TATDN1: variants seen among roughly 807,000 people sequenced by gnomAD.
TATDN1 encodes the protein TatD DNase domain containing 1, also known as deoxyribonuclease TATDN1.
Under a neutral mutation model 46.4 loss-of-function variants are expected in TATDN1, and 40 were observed. The observed-to-expected ratio is 0.86, with a 90% CI of 0.67 to 1.12. The LOEUF (loss-of-function observed/expected upper bound fraction) is 1.12, where lower values mean the gene tolerates loss of function less well. Among genes scored for constraint, TATDN1 ranks in the 50% most tolerant of loss-of-function variants. The probability of loss-of-function intolerance (pLI) is 0.00; values close to 1 mark genes in which losing one functional copy is unlikely to be tolerated. For synonymous variants in TATDN1, 95 were observed against 105.6 expected (o/e 0.90, Z 0.62); for missense variants, 326 against 348.4 (o/e 0.94, Z 0.51).
intron 11 of TATDN1, chr8:124,489,128 T>C (rs960203147): frequency 6.1e-6 from 1 of 162,770 alleles, no homozygotes; most frequent in East Asian, 1.9e-4. Flanking sequence ...ATGTGTGTCC[T>C]AAGTCACAAC....
At chr8:124,518,663 A>C in intron 4 of TATDN1, 155 bp downstream of exon 4, 1 of 614,820 alleles carries the variant, frequency 1.6e-6, no homozygotes, top group Non-Finnish European at 2.9e-6. Context: ...GAGTACTTTG[A>C]ATTTTGTCAT....
rs905373083 is a variant in TATDN1, at chr8:124,522,039, A to T, written c.138+112T>A. ...CTTTCTAATATCACAAGTAGACAAT[A>T]TGTACCCCAACTGTGGCATTGGTTT... On this transcript the variant is annotated intron_variant, in intron 3 of 11. Coordinates refer to ENST00000276692, the MANE Select transcript of TATDN1 (RefSeq NM_032026.4). The T allele has an allele frequency of 1.1e-5, 7 of 662,088 alleles. No individual in the cohort carries two copies. The African/African-American group carries it at 1.3e-4, about 12-fold the overall frequency. 41.0% of individuals were successfully genotyped at this position (662,088 alleles called of 1,614,324 possible).
Position 124,518,834 on chromosome 8 carries a change from A to T in TATDN1, c.186T>A (p.His62Gln), listed in dbSNP as rs370218570. 3.7e-5 allele frequency: 60 copies of T among 1,611,594 alleles called. No homozygotes were observed. The highest frequency in any genetic ancestry group is 4.9e-5 in the Non-Finnish European group (58 of 1,178,294). The change falls in exon 4 of 12, where the codon CAT becomes CAA. Residue 62 changes from histidine to glutamine, a missense_variant. Physicochemically the swap from His to Gln is conservative, Grantham distance 24 (BLOSUM62 0). Coordinates refer to ENST00000276692, the MANE Select transcript of TATDN1 (RefSeq NM_032026.4). ...GNLQDSKDAL[H>Q]LAQTNGMFFS... Reference sequence around the variant, plus strand: ...TGAGGATACCATTTGTTTGTGCCAAATGCAGTGCATCTTTACTGTCTTGTA... The same window carrying T: ...TGAGGATACCATTTGTTTGTGCCAATTGCAGTGCATCTTTACTGTCTTGTA...
At chr8:124,518,709 TA>T (rs1409108405) in intron 4 of TATDN1, 108 bp downstream of exon 4, 1 of 766,284 alleles carries the variant, frequency 1.3e-6, no homozygotes, top group East Asian at 2.5e-5. Flanking sequence ...TCCATTTTCC[TA>T]TTGTTTCCAG....
At chr8:124,497,479 G>C (rs895167380) in intron 9 of TATDN1, among the ~76,000 whole-genome samples, 2 of 151,976 alleles carry the variant, frequency 1.3e-5, no homozygotes, top group African/African-American at 2.4e-5. Context: ...AGAGAGGGGG[G>C]TTTCACCATG....
In TATDN1 at chr8:124,518,861, A is replaced by G. The variant is rs1361185684; in HGVS notation, c.159T>C (p.Asn53=). 7 of 1,610,664 alleles carry G rather than the reference A, an allele frequency of 4.3e-6. No individual in the cohort carries two copies. The highest frequency in any genetic ancestry group is 5.9e-6 in the Non-Finnish European group (7 of 1,177,700). The change falls in exon 4 of 12, where the codon AAT becomes AAC. Residue 53 remains asparagine, a synonymous_variant. Transcript: ENST00000276692. Reference sequence around the variant, plus strand: ...GCAGTGCATCTTTACTGTCTTGTAGATTTCCACCTGTAATCATAAACTGAA... The same window carrying G: ...GCAGTGCATCTTTACTGTCTTGTAGGTTTCCACCTGTAATCATAAACTGAA... The part of the protein sequence containing the change: ...GVKKFMITGG[N]LQDSKDALHL...
chr8:124,502,178 C>G (rs1231945985), intron 9 of TATDN1, among the ~76,000 whole-genome samples: 1 of 151,644 alleles, frequency 6.6e-6, no homozygotes, highest in Non-Finnish European at 1.5e-5. Context: ...ACTAAAAATA[C>G]AAAAACAAAA....
chr8:124,494,020 A>T (rs1245032618), intron 10 of TATDN1, 61 bp from the exon 11 acceptor site: 1 of 1,471,810 alleles, frequency 6.8e-7, no homozygotes, highest in South Asian at 1.4e-5. Flanking sequence ...TTTTATGACC[A>T]TTATCTAATA....
At chr8:124,522,870 A>G (rs982136814) in intron 2 of TATDN1, 67 bp downstream of exon 2, 3 of 1,354,506 alleles carry the variant, frequency 2.2e-6, no homozygotes, top group Non-Finnish European at 3.2e-6. Flanking sequence ...TATGCTTTTC[A>G]AGATCTCCTG....
rs559306915 is a variant in TATDN1 at position 124,492,324 on chromosome 8, T to C, written c.791+1509A>G. 1.6e-4 allele frequency among the ~76,000 whole-genome samples: 24 copies of C among 152,326 alleles called. 1 individual carries two copies. The highest frequency in any genetic ancestry group is 1.6e-3 in the Admixed American group (24 of 15,306). ...TACATTTAAAAACACCTTGAAATTT[T>C]GTCTTGCAAATATATAGCTAAAGTC... On this transcript the variant is annotated intron_variant, in intron 11 of 11. Coordinates refer to ENST00000276692, the MANE Select transcript of TATDN1 (RefSeq NM_032026.4).
At chr8:124,513,555 T>TCC (rs775968645) in intron 6 of TATDN1, among the ~76,000 whole-genome samples, 1 of 152,226 alleles carries the variant, frequency 6.6e-6, no homozygotes, top group Non-Finnish European at 1.5e-5. Context: ...GCATGTGAGT[T>TCC]CAAGCACAAG....
chr8:124,520,563 T>A (rs1819943923), intron 3 of TATDN1, among the ~76,000 whole-genome samples: 1 of 152,018 alleles, frequency 6.6e-6, no homozygotes, highest in Non-Finnish European at 1.5e-5. Context: ...TAACCAAGTA[T>A]ACTTTTTATT....
Position 124,539,037 on chromosome 8 carries a change from A to T in TATDN1, c.10T>A (p.Phe4Ile). 1 of 1,614,052 alleles carries T rather than the reference A, an allele frequency of 6.2e-7. No homozygotes were observed. The highest frequency in any genetic ancestry group is 8.5e-7 in the Non-Finnish European group (1 of 1,179,922). The stretch of plus-strand genomic sequence containing the variant: ...ACGCTCCTCTTACCGATAAACTTGA[A>T]GCGACTCATGACTGCGCATGGAGGA... MSR[F>I]KFIDIGINLT... Residue 4 changes from phenylalanine (F) to isoleucine (I), a missense_variant, in exon 1 of 12, where the codon TTC becomes ATC. Phe to Ile is a conservative substitution (Grantham distance 21, BLOSUM62 0). Transcript: ENST00000276692.
intron 9 of TATDN1, among the ~76,000 whole-genome samples, chr8:124,501,382 G>A (rs1001552033): frequency 2.0e-5 from 3 of 152,054 alleles, no homozygotes; most frequent in Non-Finnish European, 4.4e-5. Context: ...GCCAGTTGCT[G>A]GAATGCCTTC....
At chr8:124,512,382 A>C (rs992006511) in intron 6 of TATDN1, among the ~76,000 whole-genome samples, 1 of 152,106 alleles carries the variant, frequency 6.6e-6, no homozygotes, top group Non-Finnish European at 1.5e-5. Context: ...CTGAGATTGC[A>C]CCACTGCACT....
chr8:124,519,295 A>G (rs879552383), intron 3 of TATDN1, among the ~76,000 whole-genome samples: 4 of 152,158 alleles, frequency 2.6e-5, no homozygotes, highest in Non-Finnish European at 5.9e-5. Flanking sequence ...AGTCAAAACT[A>G]TTTTCCTAAC....
chr8:124,504,578 C>T (rs954358316), intron 8 of TATDN1: 9 of 321,254 alleles, frequency 2.8e-5, no homozygotes, highest in Admixed American at 1.9e-4. Flanking sequence ...GAATTTCTCT[C>T]TTTAGAGTGG....
Position 124,495,002 on chromosome 8 carries a change from G to A in TATDN1, c.664+470C>T, listed in dbSNP as rs149536632. 1.4e-3 allele frequency: 218 copies of A among 158,126 alleles called. 2 individuals are homozygous for A. The East Asian group carries it at 0.029, about 21-fold the overall frequency. The allele number at this position is 158,126 out of a possible 1,614,324, so 9.8% of individuals were successfully genotyped here. The stretch of plus-strand genomic sequence containing the variant: ...CTCCCAAAGTGCTGGGAATACAGGC[G>A]TGAGCCACCGCGCCCGGCCTCACCT... On this transcript the variant is annotated intron_variant, in intron 10 of 11. Coordinates refer to ENST00000276692, the MANE Select transcript of TATDN1 (RefSeq NM_032026.4).
intron 1 of TATDN1, among the ~76,000 whole-genome samples, chr8:124,531,824 C>T (rs1397539729): frequency 6.6e-6 from 1 of 152,146 alleles, no homozygotes; most frequent in African/African-American, 2.4e-5. Context: ...AGCCACCATA[C>T]AGTAGTACTG....
Sources: gnomAD v4.1 joint callset for allele counts (sites outside exome capture counted in the v4.1 genomes callset) on GRCh38, gnomAD v4.1.1 for gene constraint, MANE v1.5 for transcripts, NCBI Gene and HGNC (gene_info 2026-07-23, HGNC 2026-07-21) for gene names.